ATCAY: variants seen among roughly 807,000 people sequenced by gnomAD.
ATCAY encodes caytaxin.
Under a neutral mutation model 47.7 loss-of-function variants are expected in ATCAY, and 22 were observed. That is an observed-to-expected ratio of 0.46 (90% CI 0.33 to 0.66). The LOEUF (loss-of-function observed/expected upper bound fraction) is 0.66, where lower values mean the gene tolerates loss of function less well. Among genes scored for constraint, ATCAY ranks in the 30% least tolerant of loss-of-function variants. The pLI is 0.02. For synonymous variants in ATCAY, 216 were observed against 207.6 expected, an observed-to-expected ratio of 1.04 and a Z score of -0.35; for missense variants, 452 against 515.0, an observed-to-expected ratio of 0.88 and a Z score of 1.18.
Position 3,907,872 on chromosome 19 carries a change from T to C in ATCAY, c.497T>C (p.Ile166Thr). The C allele has an allele frequency of 6.2e-7, 1 of 1,613,898 alleles. No homozygotes were observed. Among genetic ancestry groups the C allele is most frequent in the Non-Finnish European group, 8.5e-7 (1 of 1,179,820 alleles). ...ATCATCGGGGAGCAAGAGCACCGTA[T>C]AGACCTGCACATGATCCGGCCTTAC... Reference protein sequence around the residue: ...TVIIGEQEHRIDLHMIRPYMK... With the variant: ...TVIIGEQEHRTDLHMIRPYMK... The change falls in exon 5 of 13, where the codon ATA becomes ACA. Residue 166 changes from isoleucine (I) to threonine (T), a missense_variant. Physicochemically the swap from Ile to Thr is moderately conservative, Grantham distance 89 (BLOSUM62 -1). Transcript: ENST00000450849. The surrounding 1 kb of genome is among the most constrained non-coding windows in gnomAD (Gnocchi z 5.1).
Position 3,907,751 on chromosome 19 carries a change from A to G in ATCAY, c.376A>G (p.Thr126Ala), listed in dbSNP as rs759270304. The change falls in exon 5 of 13, where the codon ACC becomes GCC. Residue 126 changes from threonine to alanine, a missense_variant. Transcript: ENST00000450849. This position sits in a 1 kb window ranked among gnomAD's most constrained non-coding sequence, Gnocchi z 5.1. ...LEWEDDTPVA[T>A]AKNMPGDSAD... ...GCTTCTAGACGACACCCCCGTGGCC[A>G]CCGCCAAGAACATGCCCGGGGACAG... is the stretch of plus-strand genomic sequence containing the variant. 4.3e-6 allele frequency: 7 copies of G among 1,613,866 alleles called. No individual in the cohort carries two copies. The highest frequency in any genetic ancestry group is 1.3e-5 in the African/African-American group (1 of 74,952).
intron 9 of ATCAY, among the ~76,000 whole-genome samples, chr19:3,915,328 A>G (rs1263632641): frequency 2.3e-5 from 3 of 127,880 alleles, no homozygotes; most frequent in Non-Finnish European, 3.2e-5. Flanking sequence ...ATGAGCCGCC[A>G]TGCCTGGCTA....
chr19:3,908,774 CT>C (rs1294108775), intron 6 of ATCAY, among the ~76,000 whole-genome samples: 1 of 47,880 alleles, frequency 2.1e-5, no homozygotes, highest in Non-Finnish European at 5.3e-5. Flanking sequence ...CTCCTCCCCC[CT>C]CTTCCTTCTC....
intron 2 of ATCAY, 121 bp from the exon 3 acceptor site, chr19:3,902,366 A>G: frequency 1.2e-6 from 1 of 858,902 alleles, no homozygotes; most frequent in East Asian, 2.7e-5. Context: ...CCAGAACTAA[A>G]TGTGTTTTGC....
chr19:3,885,894 C>T lies in ATCAY; in HGVS notation c.77+50C>T, dbSNP rs1037918542. ...AACCGTTGGGGGAGCAGGTGTCTCT[C>T]CCAGGTGGGACACAGGAGCGGCCCG... On this transcript the variant is annotated intron_variant, in intron 2 of 12. Coordinates refer to ENST00000450849, the MANE Select transcript of ATCAY (RefSeq NM_033064.5). The T allele has an allele frequency of 1.6e-5, 25 of 1,537,798 alleles. No homozygotes were observed. In the Admixed American group the frequency reaches 3.5e-4, roughly 22 times the overall value.
rs529825734 is a variant in ATCAY at position 3,927,993 on chromosome 19, C to T, written c.*3401C>T. 11 of 152,346 alleles carry T rather than the reference C, an allele frequency of 7.2e-5. No individual in the cohort carries two copies. The highest frequency in any genetic ancestry group is 1.9e-4 in the African/African-American group (8 of 41,572). 9.4% of individuals were successfully genotyped at this position (152,346 alleles called of 1,614,324 possible). On this transcript the variant is annotated 3_prime_UTR_variant, in exon 13 of 13. Coordinates refer to ENST00000450849, the MANE Select transcript of ATCAY (RefSeq NM_033064.5). Reference sequence around the variant, plus strand: ...CGGTTTTTCAGAACAGAAATGATCACTACGATTGACGACGGTCGTGATGTT... The same window carrying T: ...CGGTTTTTCAGAACAGAAATGATCATTACGATTGACGACGGTCGTGATGTT...
intron 9 of ATCAY, among the ~76,000 whole-genome samples, chr19:3,916,864 A>G (rs1201752779): frequency 6.6e-6 from 1 of 150,810 alleles, no homozygotes; most frequent in Non-Finnish European, 1.5e-5. Flanking sequence ...CTGGAACGCA[A>G]TGGCGCAATC....
At position 3,914,883 on chromosome 19, in the gene ATCAY, C is replaced by A. The variant is rs900608902; in HGVS notation, c.965+1027C>A. Among the ~76,000 whole-genome samples the A allele has an allele frequency of 1.1e-4, 17 of 152,148 alleles. No individual in the cohort carries two copies. In the East Asian group the frequency reaches 2.7e-3, roughly 24 times the overall value. The stretch of plus-strand genomic sequence containing the variant: ...CAAACCCTGTCACCCCCAACACCCC[C>A]CCACCGGGTCCCCCTGGCTACCAGG... On this transcript the variant is annotated intron_variant, in intron 9 of 12. Coordinates refer to ENST00000450849, the MANE Select transcript of ATCAY (RefSeq NM_033064.5).
chr19:3,917,815 G>T (rs1431683585), intron 10 of ATCAY, 38 bp downstream of exon 10: 1 of 1,601,570 alleles, frequency 6.2e-7, no homozygotes, highest in Non-Finnish European at 8.5e-7. Flanking sequence ...CTGGGTCGGG[G>T]CAGCGGGGGG....
At chr19:3,883,143 A>G (rs2038617198) in intron 1 of ATCAY, among the ~76,000 whole-genome samples, 1 of 151,930 alleles carries the variant, frequency 6.6e-6, no homozygotes, top group South Asian at 2.1e-4. Flanking sequence ...GCACTTTGGG[A>G]GGCAGGTGGA....
chr19:3,907,706 C>T lies in ATCAY; in HGVS notation c.359-28C>T, dbSNP rs2145247163. On this transcript the variant is annotated intron_variant, in intron 4 of 12. Transcript: ENST00000450849. This position sits in a 1 kb window ranked among gnomAD's most constrained non-coding sequence, Gnocchi z 5.1. The stretch of plus-strand genomic sequence containing the variant: ...CAGGAGATATCCGGACTCTGGCGTC[C>T]ATGCGACTCTCCGCCACCTGCTTCT... The T allele has an allele frequency of 6.2e-7, 1 of 1,612,688 alleles. No individual in the cohort carries two copies. Among genetic ancestry groups the T allele is most frequent in the South Asian group, 1.1e-5 (1 of 91,028 alleles).
rs2038828357 is a variant in ATCAY, at chr19:3,902,999, G to A, written c.136+454G>A. ...AATATATACATTTTTTGGGAGACCG[G>A]GTCACACTCTGTCATCCAGGCTGGA... is the stretch of plus-strand genomic sequence containing the variant. On this transcript the variant is annotated intron_variant, in intron 3 of 12. Transcript: ENST00000450849. 2.0e-5 allele frequency among the ~76,000 whole-genome samples: 3 copies of A among 151,952 alleles called. No homozygotes were observed. In the South Asian group the frequency reaches 6.2e-4, roughly 32 times the overall value.
chr19:3,924,062 G>A (rs2039044412), intron 12 of ATCAY, among the ~76,000 whole-genome samples: 1 of 151,224 alleles, frequency 6.6e-6, no homozygotes, highest in Non-Finnish European at 1.5e-5. Context: ...ATAGGTGGGT[G>A]GATGGATGGA....
intron 5 of ATCAY, 89 bp from the exon 6 acceptor site, chr19:3,908,179 T>TCGGGA: frequency 8.4e-7 from 1 of 1,195,160 alleles, no homozygotes; most frequent in Non-Finnish European, 1.2e-6. Context: ...CCCGAGCGTG[T>TCGGGA]GGGCACCGGG....
chr19:3,895,008 C>A (rs1770558548), intron 2 of ATCAY: 1 of 387,108 alleles, frequency 2.6e-6, no homozygotes, highest in Non-Finnish European at 5.2e-6. Flanking sequence ...GACCACCCCA[C>A]AGATTTTTTT....
intron 2 of ATCAY, among the ~76,000 whole-genome samples, chr19:3,886,569 G>A (rs563443764): frequency 5.5e-5 from 8 of 146,078 alleles, no homozygotes; most frequent in African/African-American, 2.0e-4. Flanking sequence ...CAGCCTGGGC[G>A]ACAGGTGAGA....
intron 2 of ATCAY, chr19:3,895,299 C>A (rs570962107): frequency 2.2e-6 from 1 of 447,730 alleles, no homozygotes; most frequent in South Asian, 1.6e-5. Context: ...ACTGCAACCT[C>A]CGCTTCCTGG....
intron 2 of ATCAY, among the ~76,000 whole-genome samples, chr19:3,887,663 T>G (rs1216431914): frequency 6.6e-6 from 1 of 150,538 alleles, no homozygotes. Context: ...ATTTTTTGTA[T>G]TTTTAGTAGA....
intron 2 of ATCAY, among the ~76,000 whole-genome samples, chr19:3,901,181 C>T (rs1008149523): frequency 7.9e-5 from 12 of 152,170 alleles, no homozygotes; most frequent in Non-Finnish European, 2.9e-5. Context: ...GGATTACAGG[C>T]GTGAGCCACC....
Sources: gnomAD v4.1 joint callset for allele counts (sites outside exome capture counted in the v4.1 genomes callset) on GRCh38, gnomAD v4.1.1 for gene constraint, Gnocchi (gnomAD v3.1) non-coding constraint, MANE v1.5 for transcripts, NCBI Gene and HGNC (gene_info 2026-07-23, HGNC 2026-07-21) for gene names.